Variants in PTPRO observed in about 807,000 individuals in gnomAD.
The protein encoded by PTPRO is protein tyrosine phosphatase receptor type O.
In PTPRO, 62 loss-of-function variants were observed where a neutral mutation model predicts 145.2. That is an observed-to-expected ratio of 0.43 (90% CI 0.35 to 0.53). The LOEUF is 0.53. Ranked by LOEUF, PTPRO falls within the 20% of genes least tolerant of loss-of-function variation. The pLI is 0.01. For missense variants in PTPRO, 1,345 were observed against 1,482.7 expected (o/e 0.91, Z 1.53); for synonymous variants, 565 against 514.7 (o/e 1.10, Z -1.32).
intron 2 of PTPRO, among the ~76,000 whole-genome samples, chr12:15,495,634 G>A (rs1942083779): frequency 6.6e-6 from 1 of 151,924 alleles, no homozygotes; most frequent in Non-Finnish European, 1.5e-5. Flanking sequence ...CACAAAGTGT[G>A]AGGCTGGACC....
At chr12:15,567,742 A>G (rs949804842) in intron 18 of PTPRO, among the ~76,000 whole-genome samples, 5 of 152,140 alleles carry the variant, frequency 3.3e-5, no homozygotes, top group African/African-American at 1.2e-4. Flanking sequence ...TTGGAAGGAT[A>G]ACAAGTTTGA....
At chr12:15,338,034 A>G in intron 1 of PTPRO, among the ~76,000 whole-genome samples, 1 of 152,242 alleles carries the variant, frequency 6.6e-6, no homozygotes, top group East Asian at 1.9e-4. Flanking sequence ...ATCTGGACAT[A>G]CACTCACAAA....
intron 19 of PTPRO, among the ~76,000 whole-genome samples, chr12:15,576,866 A>AAAAGATCTTTTC (rs1333901032): frequency 1.3e-5 from 2 of 152,194 alleles, no homozygotes; most frequent in Non-Finnish European, 2.9e-5. Context: ...GATATTTTGA[A>AAAAGATCTTTTC]AAAATATCTA....
chr12:15,517,278 C>T (rs1429839279), intron 9 of PTPRO, among the ~76,000 whole-genome samples: 1 of 152,108 alleles, frequency 6.6e-6, no homozygotes, highest in Admixed American at 6.6e-5. Flanking sequence ...CTTATAATAG[C>T]CATCAGATCT....
At chr12:15,542,326 A>G (rs1177522332) in intron 12 of PTPRO, among the ~76,000 whole-genome samples, 2 of 152,224 alleles carry the variant, frequency 1.3e-5, no homozygotes, top group African/African-American at 4.8e-5. Flanking sequence ...ACACTGATGA[A>G]TCAAAAAAAT....
chr12:15,357,988 A>G (rs11056446), intron 1 of PTPRO, among the ~76,000 whole-genome samples: 35,171 of 148,802 alleles, frequency 0.24, 4,319 homozygotes, highest in Non-Finnish European at 0.28. Context: ...AACCAACCCA[A>G]ATGTCCAACA....
intron 17 of PTPRO, among the ~76,000 whole-genome samples, chr12:15,564,140 C>T (rs1415334733): frequency 6.6e-6 from 1 of 152,048 alleles, no homozygotes; most frequent in Admixed American, 6.6e-5. Flanking sequence ...GTGTGGAAGA[C>T]AAAGAGGATG....
At chr12:15,557,129 C>G (rs996617661) in intron 15 of PTPRO, among the ~76,000 whole-genome samples, 11 of 151,596 alleles carry the variant, frequency 7.3e-5, no homozygotes, top group Admixed American at 4.6e-4. Context: ...CAACCTCTGT[C>G]TCCCAGGTTC....
chr12:15,572,712 C>T (rs1435264961), intron 19 of PTPRO, among the ~76,000 whole-genome samples: 1 of 151,798 alleles, frequency 6.6e-6, no homozygotes, highest in Non-Finnish European at 1.5e-5. Context: ...TAATCATGTT[C>T]TGCTTTTTTT....
intron 1 of PTPRO, among the ~76,000 whole-genome samples, chr12:15,355,741 C>T (rs1591734469): frequency 6.6e-6 from 1 of 152,070 alleles, no homozygotes. Context: ...GTTTATTGAA[C>T]TAAATTGATA....
intron 1 of PTPRO, among the ~76,000 whole-genome samples, chr12:15,377,760 G>C (rs934038718): frequency 6.6e-6 from 1 of 151,926 alleles, no homozygotes; most frequent in Admixed American, 6.6e-5. Flanking sequence ...ACAAGCCTCA[G>C]TAAACTTAAA....
chr12:15,515,993 T>TG (rs1430203133), intron 8 of PTPRO, among the ~76,000 whole-genome samples: 1 of 108,818 alleles, frequency 9.2e-6, no homozygotes, highest in African/African-American at 5.1e-5. Flanking sequence ...TTTTGTTTTG[T>TG]TTTTTTTTTT....
intron 2 of PTPRO, among the ~76,000 whole-genome samples, chr12:15,495,477 T>A (rs1029295181): frequency 1.3e-5 from 2 of 151,400 alleles, no homozygotes; most frequent in Admixed American, 6.6e-5. Context: ...AATGTAAAGT[T>A]TAAACTAAGG....
intron 1 of PTPRO, among the ~76,000 whole-genome samples, chr12:15,398,588 A>T (rs1298376042): frequency 6.6e-6 from 1 of 152,198 alleles, no homozygotes; most frequent in Non-Finnish European, 1.5e-5. Context: ...AATGAAACTT[A>T]ACTTGCCTAA....
At chr12:15,395,709 T>C (rs925232693) in intron 1 of PTPRO, among the ~76,000 whole-genome samples, 7 of 152,214 alleles carry the variant, frequency 4.6e-5, no homozygotes, top group East Asian at 3.9e-4. Context: ...CTGGCCTAAA[T>C]TGAAGCTGTT....
At chr12:15,444,055 T>G (rs1183839286) in intron 1 of PTPRO, among the ~76,000 whole-genome samples, 1 of 151,910 alleles carries the variant, frequency 6.6e-6, no homozygotes, top group Non-Finnish European at 1.5e-5. Flanking sequence ...ACAGCACTAT[T>G]TGTGATAACA....
chr12:15,524,783 T>C (rs761237599), intron 10 of PTPRO, 31 bp from the exon 11 acceptor site: 21 of 1,592,020 alleles, frequency 1.3e-5, no homozygotes, highest in Middle Eastern at 1.7e-4. Context: ...CCATCTATTA[T>C]ACTAAATTGT....
intron 1 of PTPRO, among the ~76,000 whole-genome samples, chr12:15,379,530 C>CAAAAA (rs1211403772): frequency 2.6e-4 from 13 of 49,436 alleles, no homozygotes; most frequent in African/African-American, 4.3e-4. Flanking sequence ...AGCTCCATCT[C>CAAAAA]AAAAAAAAAA....
At chr12:15,388,827 A>G (rs531497773) in intron 1 of PTPRO, among the ~76,000 whole-genome samples, 10 of 152,302 alleles carry the variant, frequency 6.6e-5, no homozygotes, top group Non-Finnish European at 1.5e-4. Context: ...TTGTTGCCAT[A>G]GCTAGCTGGA....
Sources: allele counts gnomAD v4.1 joint callset (sites outside exome capture counted in the v4.1 genomes callset), GRCh38; gene constraint gnomAD v4.1.1; transcripts MANE v1.5; gene names NCBI Gene and HGNC (gene_info 2026-07-23, HGNC 2026-07-21).